WSCD2: variants seen among roughly 807,000 people sequenced by gnomAD.
WSCD2 encodes the protein WSC domain sialate O sulfotransferase 2.
Under a neutral mutation model 55.7 loss-of-function variants are expected in WSCD2, and 28 were observed. That is an observed-to-expected ratio of 0.50 (90% CI 0.37 to 0.69). The LOEUF is 0.69. WSCD2 is among the 30% of genes least tolerant of loss of function. WSCD2 has a pLI of 0.00. For missense variants in WSCD2, 616 were observed against 762.1 expected (o/e 0.81, Z 2.26); for synonymous variants, 301 against 301.9 (o/e 1.00, Z 0.03).
At chr12:108,137,757 A>G (rs913234387) in intron 1 of WSCD2, among the ~76,000 whole-genome samples, 22 of 152,224 alleles carry the variant, frequency 1.4e-4, no homozygotes, top group Admixed American at 1.3e-4. Context: ...TGAATACAGT[A>G]TTTGATCCCA....
At chr12:108,217,434 T>A (rs1886971882) in intron 4 of WSCD2, among the ~76,000 whole-genome samples, 2 of 152,054 alleles carry the variant, frequency 1.3e-5, no homozygotes, top group African/African-American at 4.8e-5. Flanking sequence ...ATGCAGGAAA[T>A]GAGGGAAGTG....
intron 1 of WSCD2, among the ~76,000 whole-genome samples, chr12:108,194,122 G>C (rs983588044): frequency 2.0e-5 from 3 of 152,138 alleles, no homozygotes; most frequent in Non-Finnish European, 4.4e-5. Flanking sequence ...TGATGATCCT[G>C]AACATTTACT....
intron 4 of WSCD2, among the ~76,000 whole-genome samples, chr12:108,220,023 C>T (rs10778616): frequency 0.67 from 101,820 of 152,024 alleles, 34,470 homozygotes; most frequent in East Asian, 0.71. Flanking sequence ...AGAGTGGACA[C>T]GAAGGGTGGG....
At chr12:108,216,677 G>A (rs1254012176) in intron 4 of WSCD2, among the ~76,000 whole-genome samples, 1 of 152,240 alleles carries the variant, frequency 6.6e-6, no homozygotes, top group Non-Finnish European at 1.5e-5. Context: ...TGACAAAGCA[G>A]GTCTCTAGTG....
chr12:108,179,815 A>T (rs533038818), intron 1 of WSCD2, among the ~76,000 whole-genome samples: 2 of 152,346 alleles, frequency 1.3e-5, no homozygotes, highest in East Asian at 1.9e-4. Flanking sequence ...TCTCATTTGT[A>T]TAATGGGGAG....
rs185274692 is a variant in WSCD2, at chr12:108,248,281, G to A, written c.1636G>A (p.Val546Met). 45 of 1,614,230 alleles carry A rather than the reference G, an allele frequency of 2.8e-5. No individual in the cohort carries two copies. The highest frequency in any genetic ancestry group is 1.1e-5 in the South Asian group (1 of 91,090). The change falls in exon 9 of 9, where the codon GTG becomes ATG. Residue 546 changes from valine to methionine, a missense_variant. Physicochemically the swap from Val to Met is conservative, Grantham distance 21. Around this residue, in one of 3 missense-constraint regions of WSCD2, gnomAD observed 234 missense variants for 264.6 expected, o/e 0.88. Coordinates refer to ENST00000547525, the MANE Select transcript of WSCD2 (RefSeq NM_014653.4). The surrounding 1 kb of genome is among the most constrained non-coding windows in gnomAD (Gnocchi z 4.3). The stretch of plus-strand genomic sequence containing the variant: ...GACCATCTCTGCCTACATCAAGATG[G>A]TGGATGCAGCCCTCAAAGGGCGGAA... ...QKTISAYIKM[V>M]DAALKGRNLT... is the part of the protein sequence containing the mutation.
Position 108,231,923 on chromosome 12 carries a change from AGAAG to A in WSCD2, c.980-793_980-790del, listed in dbSNP as rs1233703289. Among the ~76,000 whole-genome samples the A allele has an allele frequency of 1.3e-4, 20 of 152,298 alleles. No individual in the cohort carries two copies. The East Asian group carries it at 2.3e-3, about 18-fold the overall frequency. Reference sequence around the variant, plus strand: ...AAGGGAGGAAGGAAAGAGGGAAGGAAGAAGGAAGGAAGGAAGGACAGACGGATAG... The same window carrying A: ...AAGGGAGGAAGGAAAGAGGGAAGGAAGAAGGAAGGAAGGACAGACGGATAG... On this transcript the variant is annotated intron_variant, in intron 6 of 8. Coordinates refer to ENST00000547525, the MANE Select transcript of WSCD2 (RefSeq NM_014653.4).
chr12:108,173,988 G>A (rs1880531570), intron 1 of WSCD2, among the ~76,000 whole-genome samples: 1 of 152,080 alleles, frequency 6.6e-6, no homozygotes, highest in African/African-American at 2.4e-5. Context: ...CTCCTTGAAT[G>A]TGGGGTGTTT....
At chr12:108,215,410 G>A (rs1158344803) in intron 4 of WSCD2, among the ~76,000 whole-genome samples, 10 of 152,168 alleles carry the variant, frequency 6.6e-5, no homozygotes, top group Non-Finnish European at 1.0e-4. Context: ...TGGGGCCACC[G>A]AGTGAGGTAA....
At chr12:108,224,690 A>AT in intron 4 of WSCD2, 49 bp from the exon 5 acceptor site, 1 of 1,586,290 alleles carries the variant, frequency 6.3e-7, no homozygotes. Context: ...TCCCAACCAG[A>AT]TCTGACTCCT....
At chr12:108,147,564 T>G (rs1281645957) in intron 1 of WSCD2, among the ~76,000 whole-genome samples, 3 of 152,178 alleles carry the variant, frequency 2.0e-5, no homozygotes, top group African/African-American at 7.2e-5. Flanking sequence ...TCATTTATTC[T>G]TCTAGACACT....
intron 1 of WSCD2, among the ~76,000 whole-genome samples, chr12:108,136,334 G>GTCCCTTCTCCTCTTTGGGCCTCAGTT (rs60951316): frequency 5.3e-5 from 8 of 151,736 alleles, no homozygotes; most frequent in African/African-American, 1.9e-4. Context: ...CCTTTAGCAA[G>GTCCCTTCTCCTCTTTGGGCCTCAGTT]TCCCATCTAT....
chr12:108,175,001 G>A lies in WSCD2; in HGVS notation c.-551-20281G>A, dbSNP rs143600591. ...CACAGAGGTGAGGAAGACAAGACTC[G>A]CCCCTCTCTTCAGAGTGCTGATGGT... On this transcript the variant is annotated intron_variant, in intron 1 of 8. Transcript: ENST00000547525. Among the ~76,000 whole-genome samples, 389 of 152,274 alleles carry A rather than the reference G, an allele frequency of 2.6e-3. 3 individuals are homozygous for A. Among genetic ancestry groups the A allele is most frequent in the African/African-American group, 5.5e-3 (229 of 41,558 alleles).
chr12:108,196,374 G>A (rs914696191), intron 2 of WSCD2, 160 bp downstream of exon 2: 3 of 1,186,122 alleles, frequency 2.5e-6, no homozygotes, highest in Non-Finnish European at 3.4e-6. Flanking sequence ...ATTGCACAGA[G>A]GAGAAAATTG....
At chr12:108,148,152 G>C (rs1385810463) in intron 1 of WSCD2, among the ~76,000 whole-genome samples, 1 of 152,204 alleles carries the variant, frequency 6.6e-6, no homozygotes, top group East Asian at 1.9e-4. Context: ...GGGCCGACCT[G>C]TGCATTGTAG....
In WSCD2 at chr12:108,195,995, G is replaced by A. The variant is rs748298084; in HGVS notation, c.163G>A (p.Ala55Thr). ...VSGNQANPAA[A>T]GGPAEGAELS... ...GGGGAACCAGGCGAACCCCGCTGCT[G>A]CAGGAGGCCCAGCTGAGGGTGCTGA... The change falls in exon 2 of 9, where the codon GCA becomes ACA. Residue 55 changes from alanine (A) to threonine (T), a missense_variant. Physicochemically the swap from Ala to Thr is moderately conservative, Grantham distance 58. Coordinates refer to ENST00000547525, the MANE Select transcript of WSCD2 (RefSeq NM_014653.4). 6.2e-7 allele frequency: 1 copy of A among 1,614,128 alleles called. No individual in the cohort carries two copies. Among genetic ancestry groups the A allele is most frequent in the African/African-American group, 1.3e-5 (1 of 74,944 alleles).
At chr12:108,221,419 G>C (rs189739075) in intron 4 of WSCD2, among the ~76,000 whole-genome samples, 3 of 152,130 alleles carry the variant, frequency 2.0e-5, no homozygotes, top group African/African-American at 7.2e-5. Flanking sequence ...AGCTGGGTGT[G>C]GTGGTGCACA....
intron 1 of WSCD2, among the ~76,000 whole-genome samples, chr12:108,175,495 C>G (rs1020431343): frequency 1.3e-5 from 2 of 152,222 alleles, no homozygotes; most frequent in Non-Finnish European, 2.9e-5. Context: ...AATGTAAAAA[C>G]AAAACCCTGT....
chr12:108,145,818 A>G (rs1414519146), intron 1 of WSCD2, among the ~76,000 whole-genome samples: 3 of 152,248 alleles, frequency 2.0e-5, no homozygotes, highest in African/African-American at 7.2e-5. Flanking sequence ...GCTATAATCC[A>G]TGAAAGGAGG....
Sources: allele counts gnomAD v4.1 joint callset (sites outside exome capture counted in the v4.1 genomes callset), GRCh38; gene constraint gnomAD v4.1.1; regional missense constraint gnomAD v4.1.1; non-coding constraint Gnocchi (gnomAD v3.1); transcripts MANE v1.5; gene names NCBI Gene and HGNC (gene_info 2026-07-23, HGNC 2026-07-21).